Variants in MBD5 observed in about 807,000 individuals in gnomAD.
MBD5 encodes the protein methyl-CpG-binding domain protein 5.
A neutral mutation model predicts 117.3 loss-of-function variants in MBD5; 13 were observed. The ratio of observed to expected loss-of-function variants is 0.11; its 90% CI spans 0.07 to 0.18. The LOEUF (loss-of-function observed/expected upper bound fraction) is 0.18, where lower values mean the gene tolerates loss of function less well. Among genes scored for constraint, MBD5 ranks in the 10% least tolerant of loss-of-function variants. The probability of loss-of-function intolerance (pLI) is 1.00; values close to 1 mark genes in which losing one functional copy is unlikely to be tolerated. For missense variants in MBD5, 1,879 were observed against 2,093.8 expected, an observed-to-expected ratio of 0.90 and a Z score of 2.00; for synonymous variants, 727 against 766.4, an observed-to-expected ratio of 0.95 and a Z score of 0.85.
intron 4 of MBD5, among the ~76,000 whole-genome samples, chr2:148,413,592 A>C (rs1325270406): frequency 2.0e-5 from 3 of 150,382 alleles, no homozygotes; most frequent in East Asian, 3.9e-4. Context: ...CTGTTAATCC[A>C]TCTGGTCCTG....
intron 2 of MBD5, among the ~76,000 whole-genome samples, chr2:148,189,011 A>G (rs1698752592): frequency 6.7e-6 from 1 of 148,294 alleles, no homozygotes; most frequent in Non-Finnish European, 1.5e-5. Flanking sequence ...CACCTGGAAA[A>G]TCGGGTCACT....
At chr2:148,474,247 A>AG in intron 8 of MBD5, among the ~76,000 whole-genome samples, 1 of 152,164 alleles carries the variant, frequency 6.6e-6, no homozygotes, top group South Asian at 2.1e-4. Context: ...GGCCTCTTTA[A>AG]TCCTCTGACT....
intron 1 of MBD5, among the ~76,000 whole-genome samples, chr2:148,088,048 ATAGACT>A (rs1558920323): frequency 6.6e-6 from 1 of 152,166 alleles, no homozygotes; most frequent in Non-Finnish European, 1.5e-5. Context: ...GAAATGAAAG[ATAGACT>A]TAGAGAAATA....
At chr2:148,314,376 G>GTTTTTTTTTT in intron 3 of MBD5, among the ~76,000 whole-genome samples, 1 of 106,622 alleles carries the variant, frequency 9.4e-6, no homozygotes, top group Non-Finnish European at 1.8e-5. Context: ...CAGTGTTATG[G>GTTTTTTTTTT]TTTTTTTTTT....
chr2:148,137,796 A>G (rs1318707798), intron 1 of MBD5, among the ~76,000 whole-genome samples: 1 of 152,168 alleles, frequency 6.6e-6, no homozygotes, highest in Non-Finnish European at 1.5e-5. Context: ...GATATTTTAG[A>G]TATGCAAACA....
In MBD5 at chr2:148,436,078, A is replaced by G. The variant is rs1466592416; in HGVS notation, c.-556-22125A>G. Among the ~76,000 whole-genome samples the G allele has an allele frequency of 3.3e-5, 5 of 152,198 alleles. No individual in the cohort carries two copies. The South Asian group carries it at 1.0e-3, about 32-fold the overall frequency. ...AATGAAATTGCATTTGTAAGTTAAG[A>G]TACCTATAGACCAGCAATGTTTCTG... is the stretch of plus-strand genomic sequence containing the variant. On this transcript the variant is annotated intron_variant, in intron 4 of 13. Transcript: ENST00000642680.
intron 1 of MBD5, among the ~76,000 whole-genome samples, chr2:148,116,181 GTT>G (rs894605614): frequency 1.5e-5 from 2 of 133,518 alleles, no homozygotes; most frequent in African/African-American, 5.6e-5. Flanking sequence ...TTACCTACAT[GTT>G]TTTTTAATGT....
At chr2:148,315,614 A>G (rs1702140012) in intron 3 of MBD5, among the ~76,000 whole-genome samples, 1 of 152,110 alleles carries the variant, frequency 6.6e-6, no homozygotes, top group African/African-American at 2.4e-5. Context: ...AAGACCCTCA[A>G]TTATCTGGCC....
intron 1 of MBD5, among the ~76,000 whole-genome samples, chr2:148,032,827 C>G (rs1001336056): frequency 1.3e-5 from 2 of 151,988 alleles, no homozygotes; most frequent in African/African-American, 4.8e-5. Flanking sequence ...ATAAGAAACC[C>G]TTTTAACAGA....
intron 1 of MBD5, among the ~76,000 whole-genome samples, chr2:148,029,187 G>T (rs1254035207): frequency 1.3e-5 from 2 of 151,436 alleles, no homozygotes; most frequent in Admixed American, 6.6e-5. Context: ...TAAAATTTAG[G>T]TGTTAACCTT....
intron 4 of MBD5, among the ~76,000 whole-genome samples, chr2:148,362,802 T>A (rs1703580945): frequency 6.6e-6 from 1 of 152,166 alleles, no homozygotes; most frequent in Non-Finnish European, 1.5e-5. Context: ...TAGGCAGCAG[T>A]CTTTGCTGTT....
intron 3 of MBD5, among the ~76,000 whole-genome samples, chr2:148,289,559 T>C (rs929817545): frequency 3.3e-5 from 5 of 152,176 alleles, no homozygotes; most frequent in African/African-American, 9.7e-5. Flanking sequence ...AAGATATTAT[T>C]ATCCTTTAAC....
At chr2:148,061,143 G>A (rs1695024921) in intron 1 of MBD5, among the ~76,000 whole-genome samples, 1 of 152,042 alleles carries the variant, frequency 6.6e-6, no homozygotes, top group South Asian at 2.1e-4. Flanking sequence ...TAATCAAAGA[G>A]GATTTTATTT....
intron 4 of MBD5, among the ~76,000 whole-genome samples, chr2:148,442,996 C>T (rs1016319190): frequency 1.3e-5 from 2 of 151,358 alleles, no homozygotes; most frequent in Non-Finnish European, 2.9e-5. Flanking sequence ...AACTACCTAT[C>T]TGACAGGGAT....
chr2:148,330,115 A>ACACACACACT (rs148068244), intron 3 of MBD5, among the ~76,000 whole-genome samples: 15 of 127,514 alleles, frequency 1.2e-4, no homozygotes, highest in Admixed American at 1.8e-4. Context: ...ACACACACAC[A>ACACACACACT]CACTCTACCT....
chr2:148,092,604 G>T (rs572832782), intron 1 of MBD5, among the ~76,000 whole-genome samples: 13 of 152,208 alleles, frequency 8.5e-5, no homozygotes, highest in African/African-American at 2.9e-4. Context: ...TTACAAGTGG[G>T]AGCTAAGCTA....
At chr2:148,256,931 G>A in intron 3 of MBD5, among the ~76,000 whole-genome samples, 1 of 152,222 alleles carries the variant, frequency 6.6e-6, no homozygotes, top group Non-Finnish European at 1.5e-5. Context: ...TTGCCAAAGT[G>A]GATGTCTGTG....
intron 3 of MBD5, among the ~76,000 whole-genome samples, chr2:148,313,871 A>G (rs1270042404): frequency 1.3e-5 from 2 of 152,020 alleles, no homozygotes; most frequent in Non-Finnish European, 2.9e-5. Flanking sequence ...CAGTCCCTCA[A>G]TCCTTCCCGT....
At chr2:148,438,054 G>T (rs765279678) in intron 4 of MBD5, among the ~76,000 whole-genome samples, 2 of 152,174 alleles carry the variant, frequency 1.3e-5, no homozygotes, top group African/African-American at 2.4e-5. Flanking sequence ...TTGTGATAAT[G>T]TACTTTCGTG....
Sources: allele counts gnomAD v4.1 joint callset (sites outside exome capture counted in the v4.1 genomes callset), GRCh38; gene constraint gnomAD v4.1.1; transcripts MANE v1.5; gene names NCBI Gene and HGNC (gene_info 2026-07-23, HGNC 2026-07-21).